PRKD1: variants seen among roughly 807,000 people sequenced by gnomAD.
The protein encoded by PRKD1 is serine/threonine-protein kinase D1.
PRKD1 carries 63 observed loss-of-function variants against 95.9 expected under a neutral mutation model. The ratio of observed to expected loss-of-function variants is 0.66; its 90% CI spans 0.54 to 0.81. The LOEUF (loss-of-function observed/expected upper bound fraction) is 0.81. PRKD1 is among the 30% of genes least tolerant of loss of function. The probability of loss-of-function intolerance (pLI) is 0.00; values close to 1 mark genes in which losing one functional copy is unlikely to be tolerated. For synonymous variants in PRKD1, 425 were observed against 423.1 expected, an observed-to-expected ratio of 1.00 and a Z score of -0.05; for missense variants, 1,048 against 1,165.3, an observed-to-expected ratio of 0.90 and a Z score of 1.47.
At chr14:29,895,830 C>CA (rs1468348169) in intron 1 of PRKD1, among the ~76,000 whole-genome samples, 4 of 152,192 alleles carry the variant, frequency 2.6e-5, no homozygotes. Flanking sequence ...CAGCCCTGAC[C>CA]ACCCTATGTA....
At position 29,629,368 on chromosome 14, in the gene PRKD1, G is replaced by C. The variant is rs914552332; in HGVS notation, c.1673-275C>G. ...ACTGGCTTTGCTACTTCACAGCTTTGGTACAAGCTTAGACAACTTAACCTC... is the reference window on the plus strand; with the variant it reads ...ACTGGCTTTGCTACTTCACAGCTTTCGTACAAGCTTAGACAACTTAACCTC... On this transcript the variant is annotated intron_variant, in intron 10 of 17. Coordinates refer to ENST00000331968, the MANE Select transcript of PRKD1 (RefSeq NM_002742.3). Among the ~76,000 whole-genome samples, 4 of 152,224 alleles carry C rather than the reference G, an allele frequency of 2.6e-5. No homozygotes were observed. The East Asian group carries it at 7.7e-4, about 29-fold the overall frequency.
At chr14:29,696,796 A>C (rs1884541520) in intron 2 of PRKD1, among the ~76,000 whole-genome samples, 1 of 152,136 alleles carries the variant, frequency 6.6e-6, no homozygotes, top group African/African-American at 2.4e-5. Flanking sequence ...AGTTTCTGCT[A>C]AATATGTCTA....
At chr14:29,797,069 A>G (rs1889848859) in intron 1 of PRKD1, among the ~76,000 whole-genome samples, 1 of 152,218 alleles carries the variant, frequency 6.6e-6, no homozygotes, top group Non-Finnish European at 1.5e-5. Flanking sequence ...TAAATGGAAG[A>G]AAGTATTGTT....
chr14:29,741,140 A>G (rs867514073), intron 1 of PRKD1, among the ~76,000 whole-genome samples: 2 of 152,070 alleles, frequency 1.3e-5, no homozygotes, highest in Non-Finnish European at 2.9e-5. Context: ...AGAGGAGCAG[A>G]AAAAAAATAA....
intron 1 of PRKD1, among the ~76,000 whole-genome samples, chr14:29,923,592 G>C (rs185990279): frequency 1.3e-5 from 2 of 152,268 alleles, no homozygotes; most frequent in Non-Finnish European, 2.9e-5. Flanking sequence ...TACTTCTTTA[G>C]TGAGCTATCT....
chr14:29,710,372 AC>A (rs1487352210), intron 2 of PRKD1, among the ~76,000 whole-genome samples: 25 of 152,110 alleles, frequency 1.6e-4, no homozygotes, highest in African/African-American at 5.3e-4. Context: ...GATATCATGT[AC>A]CCCTATGTGA....
chr14:29,581,816 G>T (rs1158125758), intron 16 of PRKD1, among the ~76,000 whole-genome samples: 1 of 152,034 alleles, frequency 6.6e-6, no homozygotes, highest in Non-Finnish European at 1.5e-5. Flanking sequence ...CACCGAATAA[G>T]CCCATCTGCT....
At chr14:29,730,065 C>G (rs555326723) in intron 1 of PRKD1, among the ~76,000 whole-genome samples, 1 of 151,960 alleles carries the variant, frequency 6.6e-6, no homozygotes, top group East Asian at 1.9e-4. Context: ...AGCCTCTGCA[C>G]AGCAAAGGAA....
intron 2 of PRKD1, among the ~76,000 whole-genome samples, chr14:29,685,981 C>T (rs1261351052): frequency 6.6e-6 from 1 of 152,090 alleles, no homozygotes; most frequent in Non-Finnish European, 1.5e-5. Context: ...TTAAAGTCTT[C>T]AAAAACGCAC....
intron 2 of PRKD1, among the ~76,000 whole-genome samples, chr14:29,694,927 G>T (rs577363423): frequency 3.0e-4 from 46 of 152,226 alleles, no homozygotes; most frequent in African/African-American, 1.1e-3. Flanking sequence ...AGCCTTAGAA[G>T]TCACAGTCTT....
chr14:29,816,440 A>T (rs1268727213), intron 1 of PRKD1, among the ~76,000 whole-genome samples: 1 of 152,196 alleles, frequency 6.6e-6, no homozygotes, highest in Admixed American at 6.6e-5. Context: ...CATTGTTTTT[A>T]AAAATGTTTT....
intron 2 of PRKD1, among the ~76,000 whole-genome samples, chr14:29,700,387 C>G (rs1884766429): frequency 6.6e-6 from 1 of 152,130 alleles, no homozygotes; most frequent in South Asian, 2.1e-4. Context: ...TCTTAAATCT[C>G]TTTTGATCTA....
chr14:29,917,086 A>G (rs1330051682), intron 1 of PRKD1, among the ~76,000 whole-genome samples: 1 of 152,210 alleles, frequency 6.6e-6, no homozygotes, highest in Non-Finnish European at 1.5e-5. Context: ...TAAAAAGCTT[A>G]AGAAAGAGTG....
In PRKD1 at chr14:29,634,306, T is replaced by G. The variant is rs1013520981; in HGVS notation, c.1314+112A>C. 9 of 1,496,524 alleles carry G rather than the reference T, an allele frequency of 6.0e-6. No homozygotes were observed. The South Asian group carries it at 8.3e-5, about 14-fold the overall frequency. The allele number at this position is 1,496,524 out of a possible 1,614,324, so 92.7% of individuals were successfully genotyped here. A position where few individuals can be genotyped will look rare whatever the true frequency, so the allele number is the denominator to read the frequency against. On this transcript the variant is annotated intron_variant, in intron 8 of 17. Transcript: ENST00000331968. ...CTTACCTAATCCCGTGTCATGCCTG[T>G]GCTGAGGTTTACTCTGAGTAATGCA...
chr14:29,658,077 G>A (rs933077770), intron 4 of PRKD1, among the ~76,000 whole-genome samples: 2 of 152,082 alleles, frequency 1.3e-5, no homozygotes, highest in African/African-American at 4.8e-5. Context: ...CTTTGGGAGA[G>A]GAAATCAATT....
intron 1 of PRKD1, among the ~76,000 whole-genome samples, chr14:29,885,040 G>A (rs1469629074): frequency 1.3e-5 from 2 of 151,154 alleles, no homozygotes; most frequent in South Asian, 2.1e-4. Flanking sequence ...GGAGAGTGGC[G>A]TGAACCCGGG....
chr14:29,779,913 C>A (rs552744572), intron 1 of PRKD1, among the ~76,000 whole-genome samples: 176 of 152,282 alleles, frequency 1.2e-3, no homozygotes, highest in African/African-American at 4.1e-3. Flanking sequence ...GTAACCAAAA[C>A]AGCATGGTAC....
chr14:29,882,731 A>G (rs1400014116), intron 1 of PRKD1, among the ~76,000 whole-genome samples: 1 of 152,198 alleles, frequency 6.6e-6, no homozygotes, highest in Non-Finnish European at 1.5e-5. Flanking sequence ...ACCTCATACA[A>G]GTTAAATCAG....
At chr14:29,871,422 T>C (rs1893101562) in intron 1 of PRKD1, among the ~76,000 whole-genome samples, 1 of 152,328 alleles carries the variant, frequency 6.6e-6, no homozygotes, top group South Asian at 2.1e-4. Flanking sequence ...AAAAACTTTA[T>C]TGCCAAAATG....
Sources: allele counts gnomAD v4.1 joint callset (sites outside exome capture counted in the v4.1 genomes callset), GRCh38; gene constraint gnomAD v4.1.1; transcripts MANE v1.5; gene names NCBI Gene and HGNC (gene_info 2026-07-23, HGNC 2026-07-21).